The following STRA8 variants were observed in gnomAD, a reference collection of about 807,000 sequenced individuals.
STRA8 encodes the protein stimulated by retinoic acid gene 8 protein homolog.
A neutral mutation model predicts 37.1 loss-of-function variants in STRA8; 18 were observed. That is an observed-to-expected ratio of 0.48 (90% CI 0.34 to 0.72). STRA8 has a LOEUF of 0.72. Ranked by LOEUF, STRA8 falls within the 30% of genes least tolerant of loss-of-function variation. The probability of loss-of-function intolerance (pLI) is 0.01; values close to 1 mark genes in which losing one functional copy is unlikely to be tolerated. For missense variants in STRA8, 357 were observed against 410.4 expected (o/e 0.87, Z 1.13); for synonymous variants, 168 against 162.9 (o/e 1.03, Z -0.24).
intron 1 of STRA8, among the ~76,000 whole-genome samples, chr7:135,239,572 C>A: frequency 6.6e-6 from 1 of 152,198 alleles, no homozygotes; most frequent in Non-Finnish European, 1.5e-5. Flanking sequence ...AAGTCGCAGC[C>A]TCCCTGTCCA....
intron 4 of STRA8, among the ~76,000 whole-genome samples, chr7:135,245,071 T>C (rs1832525375): frequency 6.6e-6 from 1 of 152,212 alleles, no homozygotes; most frequent in South Asian, 2.1e-4. Flanking sequence ...GTTTTTCTTC[T>C]GTAGTCTGTT....
At chr7:135,254,329 T>C (rs886412229) in intron 7 of STRA8, among the ~76,000 whole-genome samples, 2 of 152,208 alleles carry the variant, frequency 1.3e-5, no homozygotes, top group African/African-American at 4.8e-5. Context: ...GCCAGAGGGT[T>C]CCTCATCCCG....
At position 135,240,575 on chromosome 7, in the gene STRA8, G is replaced by A. The variant is rs2065314900; in HGVS notation, c.51G>A (p.Gln17=). The change falls in exon 2 of 9, where the codon CAG becomes CAA. Residue 17 remains glutamine (Q), a synonymous_variant. Coordinates refer to ENST00000662584, the MANE Select transcript of STRA8 (RefSeq NM_001394401.1). ...ATCCCCATGACAGAGCAACACCCCA[G>A]CTGCCAGCACAGCTGCAGGAGCTTG... is the stretch of plus-strand genomic sequence containing the variant. The part of the protein sequence containing the change: ...NSNPHDRATP[Q]LPAQLQELEH... The A allele has an allele frequency of 1.2e-5, 19 of 1,614,102 alleles. No homozygotes were observed. Among genetic ancestry groups the A allele is most frequent in the Non-Finnish European group, 1.6e-5 (19 of 1,180,030 alleles).
intron 1 of STRA8, among the ~76,000 whole-genome samples, chr7:135,240,190 A>G (rs2117791260): frequency 6.6e-6 from 1 of 152,322 alleles, no homozygotes; most frequent in African/African-American, 2.4e-5. Context: ...GGTAAGTTCC[A>G]GGGCCCCTCA....
intron 7 of STRA8, 73 bp from the exon 8 acceptor site, chr7:135,255,041 A>T: frequency 8.2e-7 from 1 of 1,217,904 alleles, no homozygotes; most frequent in Non-Finnish European, 1.2e-6. Flanking sequence ...CAAATCTTTC[A>T]GGGGAGGGGG....
chr7:135,258,299 A>C, intron 8 of STRA8, 119 bp from the exon 9 acceptor site: 1 of 724,956 alleles, frequency 1.4e-6, no homozygotes, highest in Non-Finnish European at 2.2e-6. Context: ...AATGCAGCGG[A>C]AGAGACGTAG....
At chr7:135,239,191 A>T (rs1370117292) in intron 1 of STRA8, among the ~76,000 whole-genome samples, 1 of 151,990 alleles carries the variant, frequency 6.6e-6, no homozygotes, top group African/African-American at 2.4e-5. Flanking sequence ...CTTCCTCATA[A>T]CCCCTTAATG....
chr7:135,255,447 G>A (rs1350917355), intron 8 of STRA8, among the ~76,000 whole-genome samples: 2 of 152,200 alleles, frequency 1.3e-5, no homozygotes, highest in Non-Finnish European at 2.9e-5. Context: ...AGGAAAGACA[G>A]AGAAGTGTCC....
intron 5 of STRA8, among the ~76,000 whole-genome samples, 139 bp downstream of exon 5, chr7:135,245,666 C>G (rs928488421): frequency 6.6e-6 from 1 of 152,060 alleles, no homozygotes; most frequent in African/African-American, 2.4e-5. Context: ...CCCTGAATCA[C>G]GAAATCTCCA....
upstream of STRA8, among the ~76,000 whole-genome samples, chr7:135,232,845 C>A (rs1832313705): frequency 6.6e-6 from 1 of 152,160 alleles, no homozygotes; most frequent in Admixed American, 6.5e-5. Context: ...GAATCCCCTG[C>A]TACGCCTGCT....
chr7:135,253,815 G>A (rs1832669722), intron 7 of STRA8, among the ~76,000 whole-genome samples: 1 of 152,168 alleles, frequency 6.6e-6, no homozygotes, highest in Non-Finnish European at 1.5e-5. Flanking sequence ...AAAGAATCCT[G>A]GACATTTATT....
At position 135,245,334 on chromosome 7, in the gene STRA8, CCA is replaced by C. The variant is rs1832530697; in HGVS notation, c.401_402del (p.Pro134HisfsTer2). Reference sequence around the variant, plus strand: ...TCAGAATGGTTCCTCCCCTTGGTGCCCAACTGAGGCAGTCAGGAAGGATGCTG... The same window carrying C: ...TCAGAATGGTTCCTCCCCTTGGTGCCACTGAGGCAGTCAGGAAGGATGCTG... ...FPQNGSSPWC[P>X]TEAVRKDAEE... On this transcript the variant is annotated frameshift_variant, in exon 5 of 9. Transcript: ENST00000662584. LOFTEE classifies it high-confidence loss of function. The C allele has an allele frequency of 1.3e-6, 1 of 780,628 alleles. No individual in the cohort carries two copies. Among genetic ancestry groups the C allele is most frequent in the African/African-American group, 1.7e-5 (1 of 58,978 alleles). The allele number at this position is 780,628 out of a possible 1,614,324, so 48.4% of individuals were successfully genotyped here.
chr7:135,247,049 G>T lies in STRA8; in HGVS notation c.879+347G>T, dbSNP rs1257804317. On this transcript the variant is annotated intron_variant, in intron 6 of 8. Transcript: ENST00000662584. ...TTTAGTAGAGACGGGGTTTCACTGT[G>T]TTAGCCAGGATGGTCTCGATCTCCT... 4 of 235,228 alleles carry T rather than the reference G, an allele frequency of 1.7e-5. No homozygotes were observed. In the South Asian group the frequency reaches 2.1e-4, roughly 12 times the overall value. 14.6% of individuals were successfully genotyped at this position (235,228 alleles called of 1,614,324 possible).
intron 8 of STRA8, among the ~76,000 whole-genome samples, chr7:135,256,777 C>T (rs920359357): frequency 6.6e-6 from 1 of 152,160 alleles, no homozygotes. Flanking sequence ...TGTACTCCAG[C>T]CTGGGCAACA....
chr7:135,234,100 G>T (rs60476454), intron 1 of STRA8, among the ~76,000 whole-genome samples, 197 bp downstream of exon 1: 136,245 of 147,068 alleles, frequency 0.93, 63,940 homozygotes, highest in East Asian at 1. Context: ...TGATGATGAT[G>T]ATGATTATTA....
Position 135,255,288 on chromosome 7 carries a change from T to C in STRA8, c.1065+63T>C, listed in dbSNP as rs756952576. On this transcript the variant is annotated intron_variant, in intron 8 of 8. Coordinates refer to ENST00000662584, the MANE Select transcript of STRA8 (RefSeq NM_001394401.1). ...CTTGCTTAGATAGCAAAAAGGGCTCTTAAGGGCAGCCCTAACCAGAACTCA... is the reference window on the plus strand; with the variant it reads ...CTTGCTTAGATAGCAAAAAGGGCTCCTAAGGGCAGCCCTAACCAGAACTCA... 52 of 1,300,062 alleles carry C rather than the reference T, an allele frequency of 4.0e-5. No individual in the cohort carries two copies. In the Admixed American group the frequency reaches 4.2e-4, roughly 10 times the overall value. The allele number at this position is 1,300,062 out of a possible 1,614,324, so 80.5% of individuals were successfully genotyped here.
intron 1 of STRA8, among the ~76,000 whole-genome samples, chr7:135,237,979 T>C (rs1352717874): frequency 2.6e-5 from 4 of 151,936 alleles, no homozygotes; most frequent in Non-Finnish European, 5.9e-5. Context: ...CGGAAAAAAT[T>C]CCAAGTCAAT....
chr7:135,233,505 T>G (rs1411842093), upstream of STRA8, among the ~76,000 whole-genome samples: 1 of 151,892 alleles, frequency 6.6e-6, no homozygotes, highest in Non-Finnish European at 1.5e-5. Context: ...GCCAGGTGAG[T>G]GGAACCAGCT....
At chr7:135,242,668 G>A in intron 2 of STRA8, 113 bp from the exon 3 acceptor site, 2 of 900,208 alleles carry the variant, frequency 2.2e-6, no homozygotes, top group South Asian at 2.9e-5. Context: ...TAAGGGATGT[G>A]ACTTTGCATC....
Sources: allele counts gnomAD v4.1 joint callset (sites outside exome capture counted in the v4.1 genomes callset), GRCh38; gene constraint gnomAD v4.1.1; transcripts MANE v1.5; gene names NCBI Gene and HGNC (gene_info 2026-07-23, HGNC 2026-07-21).